The following UNC79 variants were observed in gnomAD, a reference collection of about 807,000 sequenced individuals.
UNC79 encodes the protein unc-79 subunit of NALCN channel complex, also known as protein unc-79 homolog.
Under a neutral mutation model 283.1 loss-of-function variants are expected in UNC79, and 37 were observed. The ratio of observed to expected loss-of-function variants is 0.13; its 90% confidence interval spans 0.10 to 0.17. The LOEUF is 0.17. Ranked by LOEUF, UNC79 falls within the 10% of genes least tolerant of loss-of-function variation. The pLI is 1.00. For missense variants in UNC79, 2,272 were observed against 3,211.1 expected, an observed-to-expected ratio of 0.71 and a Z score of 7.07; for synonymous variants, 1,107 against 1,200.2, an observed-to-expected ratio of 0.92 and a Z score of 1.61.
At chr14:93,586,983 A>T in intron 22 of UNC79, 75 bp downstream of exon 22, 1 of 1,552,654 alleles carries the variant, frequency 6.4e-7, no homozygotes, top group East Asian at 2.3e-5. Flanking sequence ...TTAGATTAAG[A>T]TTTACTGGCT....
At chr14:93,393,766 T>C (rs776021077) in intron 1 of UNC79, among the ~76,000 whole-genome samples, 1 of 152,206 alleles carries the variant, frequency 6.6e-6, no homozygotes, top group Admixed American at 6.5e-5. Flanking sequence ...TCTGGCTGTG[T>C]GATTGGATAT....
At chr14:93,472,896 C>T (rs1175462935) in intron 2 of UNC79, among the ~76,000 whole-genome samples, 4 of 152,084 alleles carry the variant, frequency 2.6e-5, no homozygotes, top group East Asian at 3.8e-4. Context: ...TTTGCAAGTG[C>T]GCAGATATTA....
At chr14:93,532,441 G>A in intron 10 of UNC79, 109 bp from the exon 11 acceptor site, 1 of 1,328,726 alleles carries the variant, frequency 7.5e-7, no homozygotes, top group Non-Finnish European at 1.0e-6. Context: ...TTGCACTCCA[G>A]CCTGATTGAC....
rs182292730 is a variant in UNC79 at position 93,454,113 on chromosome 14, A to G, written c.23-13558A>G. The stretch of plus-strand genomic sequence containing the variant: ...CAAGCTGGAGTGCAATGGTGCCATC[A>G]TGGCTCACAGCATCAATCTTCTGGG... On this transcript the variant is annotated intron_variant, in intron 1 of 48. Transcript: ENST00000555664. Among the ~76,000 whole-genome samples the G allele has an allele frequency of 2.7e-3, 406 of 149,420 alleles. 1 individual carries two copies. Among genetic ancestry groups the G allele is most frequent in the African/African-American group, 9.5e-3 (382 of 40,418 alleles).
intron 1 of UNC79, among the ~76,000 whole-genome samples, chr14:93,423,062 CAAAAAAA>C (rs71129634): frequency 1.0e-4 from 8 of 77,292 alleles, no homozygotes; most frequent in Non-Finnish European, 1.7e-4. Context: ...GACTCTGTCT[CAAAAAAA>C]AAAAAAAAAA....
chr14:93,581,915 T>C (rs894123892), intron 19 of UNC79, among the ~76,000 whole-genome samples: 2 of 152,356 alleles, frequency 1.3e-5, no homozygotes, highest in Non-Finnish European at 2.9e-5. Context: ...TGGAGACTAA[T>C]GCAGAGGTGA....
At chr14:93,662,894 A>T (rs903404111) in intron 40 of UNC79, among the ~76,000 whole-genome samples, 180 bp downstream of exon 43, 2 of 152,186 alleles carry the variant, frequency 1.3e-5, no homozygotes, top group Admixed American at 6.5e-5. Context: ...ACACACACAC[A>T]CACACACACA....
At chr14:93,512,948 T>C (rs2059895176) in intron 7 of UNC79, among the ~76,000 whole-genome samples, 1 of 152,144 alleles carries the variant, frequency 6.6e-6, no homozygotes, top group Non-Finnish European at 1.5e-5. Context: ...ATGATGGACA[T>C]TGTAAAGAAT....
intron 1 of UNC79, among the ~76,000 whole-genome samples, chr14:93,448,662 T>C (rs1376105293): frequency 6.6e-6 from 1 of 152,176 alleles, no homozygotes; most frequent in Non-Finnish European, 1.5e-5. Flanking sequence ...GTTGTTTCCT[T>C]TGCTTTATGG....
At position 93,362,319 on chromosome 14, in the gene UNC79, G is replaced by A. The variant is rs139230736; in HGVS notation, c.-351+28796G>A. 9.6e-4 allele frequency among the ~76,000 whole-genome samples: 146 copies of A among 152,156 alleles called. 2 individuals are homozygous for A. In the Middle Eastern group the frequency reaches 0.01, roughly 11 times the overall value. ...CAGCTATGAATCCATCTGGTCCAGG[G>A]ATTCTTATGGTTGGTAGGTTTTTTA... On this transcript the variant is annotated intron_variant, in intron 1 of 49. Coordinates refer to the UNC79 transcript ENST00000256339.
At chr14:93,543,180 CT>C (rs1025823512) in intron 14 of UNC79, among the ~76,000 whole-genome samples, 11 of 147,580 alleles carry the variant, frequency 7.5e-5, no homozygotes, top group Admixed American at 6.1e-4. Context: ...GGGGAAATGT[CT>C]TTTTTTCTTT....
chr14:93,631,433 G>A (rs1189589995), intron 31 of UNC79, among the ~76,000 whole-genome samples: 3 of 152,188 alleles, frequency 2.0e-5, no homozygotes, highest in Non-Finnish European at 4.4e-5. Context: ...ACCTGTAGGA[G>A]GCGAGTATTT....
intron 4 of UNC79, 36 bp from the exon 5 acceptor site, chr14:93,487,627 T>C (rs2058509842): frequency 3.8e-6 from 6 of 1,580,298 alleles, no homozygotes; most frequent in Non-Finnish European, 4.3e-6. Flanking sequence ...TATGTAGAGA[T>C]TAAATTGTGT....
chr14:93,376,304 G>A (rs66532152), intron 1 of UNC79, among the ~76,000 whole-genome samples: 16,143 of 152,158 alleles, frequency 0.11, 895 homozygotes, highest in Middle Eastern at 0.17. Context: ...CTATCTTATA[G>A]AGATTTAAAT....
In UNC79 at chr14:93,516,302, A is replaced by G. The variant is rs557467988; in HGVS notation, c.899-7676A>G. On this transcript the variant is annotated intron_variant, in intron 7 of 48. Coordinates refer to ENST00000555664, the Ensembl canonical transcript of UNC79. ...TGCTCTTTTAAAAATTTTATGGGCT[A>G]TTTTAATACATAAAATTATGTAGTG... 3.3e-5 allele frequency among the ~76,000 whole-genome samples: 5 copies of G among 152,156 alleles called. No homozygotes were observed. In the South Asian group the frequency reaches 1.0e-3, roughly 32 times the overall value.
intron 1 of UNC79, chr14:93,466,772 G>C (rs1439612460): frequency 1.2e-6 from 1 of 831,786 alleles, no homozygotes; most frequent in African/African-American, 1.8e-5. Context: ...CTGTGGAAGA[G>C]GAGACCAGAG....
intron 1 of UNC79, among the ~76,000 whole-genome samples, chr14:93,355,035 T>TC: frequency 7.0e-6 from 1 of 142,702 alleles, no homozygotes; most frequent in East Asian, 2.0e-4. Context: ...TTTACAGCCT[T>TC]TTTTTTTTTT....
At chr14:93,358,664 C>CT (rs980429171) in intron 1 of UNC79, among the ~76,000 whole-genome samples, 2 of 152,080 alleles carry the variant, frequency 1.3e-5, no homozygotes, top group African/African-American at 2.4e-5. Flanking sequence ...CTCTGATGAA[C>CT]TTTTTTTTGC....
At chr14:93,465,346 T>C (rs2057130426) in intron 1 of UNC79, among the ~76,000 whole-genome samples, 1 of 152,234 alleles carries the variant, frequency 6.6e-6, no homozygotes, top group South Asian at 2.1e-4. Flanking sequence ...TATGAATATA[T>C]TGAGTCCCTA....
Sources: allele counts gnomAD v4.1 joint callset (sites outside exome capture counted in the v4.1 genomes callset), GRCh38; gene constraint gnomAD v4.1.1; transcripts MANE v1.5; gene names NCBI Gene and HGNC (gene_info 2026-07-23, HGNC 2026-07-21).